MCM10: variants seen among roughly 807,000 people sequenced by gnomAD.
The protein encoded by MCM10 is minichromosome maintenance 10 replication initiation factor, also known as protein MCM10 homolog.
Under a neutral mutation model 109.9 loss-of-function variants are expected in MCM10, and 91 were observed. The ratio of observed to expected loss-of-function variants is 0.83; its 90% CI spans 0.70 to 0.99. MCM10 has a LOEUF of 0.99. Ranked by LOEUF, MCM10 falls within the 50% of genes least tolerant of loss-of-function variation. MCM10 has a pLI of 0.00. For missense variants in MCM10, 1,077 were observed against 1,061.2 expected (o/e 1.01, Z -0.21); for synonymous variants, 380 against 387.2 (o/e 0.98, Z 0.22).
chr10:13,207,256 G>T (rs553633582), intron 18 of MCM10, among the ~76,000 whole-genome samples: 25 of 152,344 alleles, frequency 1.6e-4, no homozygotes, highest in African/African-American at 5.5e-4. Context: ...AGGCAACTGG[G>T]CACGGCTGTG....
chr10:13,196,952 TCTCA>T (rs1834429533), intron 14 of MCM10, among the ~76,000 whole-genome samples: 1 of 152,172 alleles, frequency 6.6e-6, no homozygotes, highest in Non-Finnish European at 1.5e-5. Context: ...TGAGACAGGG[TCTCA>T]CTCTGTCTCC....
rs762554890 is a variant in MCM10, at chr10:13,175,632, G to A, written c.715G>A (p.Glu239Lys). Residue 239 changes from glutamate to lysine, a missense_variant, in exon 6 of 20, where the codon GAA becomes AAA. Physicochemically the swap from Glu to Lys is moderately conservative, Grantham distance 56. Coordinates refer to ENST00000378714, the MANE Select transcript of MCM10 (RefSeq NM_018518.5). ...QIVGTPGSSG[E>K]TTQPICVEAF... is the part of the protein sequence containing the mutation. Reference sequence around the variant, plus strand: ...TGTGGGGACCCCAGGAAGTTCTGGGGAAACGACTCAACCCATCTGTGTGGA... The same window carrying A: ...TGTGGGGACCCCAGGAAGTTCTGGGAAAACGACTCAACCCATCTGTGTGGA... 20 of 1,611,136 alleles carry A rather than the reference G, an allele frequency of 1.2e-5. No individual in the cohort carries two copies. Among genetic ancestry groups the A allele is most frequent in the Non-Finnish European group, 1.6e-5 (19 of 1,178,078 alleles).
Position 13,191,376 on chromosome 10 carries a change from T to A in MCM10, c.1493T>A (p.Ile498Asn). ...GTTGTTAAGGGCACAAACTTGATCA[T>A]CCAGGAAACACGGCAAAAACTCGGT... ...NLVVKGTNLI[I>N]QETRQKLGIP... Residue 498 changes from isoleucine (I) to asparagine (N), a missense_variant, in exon 11 of 20, where the codon ATC becomes AAC. Physicochemically the swap from Ile to Asn is moderately radical, Grantham distance 149. Coordinates refer to ENST00000378714, the MANE Select transcript of MCM10 (RefSeq NM_018518.5). 6.2e-7 allele frequency: 1 copy of A among 1,614,058 alleles called. No homozygotes were observed. Among genetic ancestry groups the A allele is most frequent in the East Asian group, 2.2e-5 (1 of 44,884 alleles).
At chr10:13,174,707 T>C (rs1364419630) in intron 5 of MCM10, among the ~76,000 whole-genome samples, 1 of 152,218 alleles carries the variant, frequency 6.6e-6, no homozygotes, top group Non-Finnish European at 1.5e-5. Flanking sequence ...TAGCACCCTA[T>C]TGGACAGCAC....
Position 13,182,980 on chromosome 10 carries a change from A to T in MCM10, c.978A>T (p.Thr326=). Residue 326 remains threonine, a synonymous_variant, in exon 8 of 20, where the codon ACA becomes ACT. Transcript: ENST00000378714. This position sits in a 1 kb window ranked among gnomAD's most constrained non-coding sequence, Gnocchi z 4.2. The part of the protein sequence containing the change: ...IWKLNDLRDL[T]QCVSLFLFGE... ...AACTGAATGATCTTCGTGACCTGAC[A>T]CAATGTGTGTCCTTGTTCTTATTTG... 6.2e-7 allele frequency: 1 copy of T among 1,614,168 alleles called. No homozygotes were observed. The highest frequency in any genetic ancestry group is 8.5e-7 in the Non-Finnish European group (1 of 1,180,010).
In MCM10 at chr10:13,210,200, G is replaced by A. The variant is rs142231886; in HGVS notation, c.*890G>A. On this transcript the variant is annotated 3_prime_UTR_variant, in exon 20 of 20. Transcript: ENST00000378714. ...CTCCCAAATAGCTAGGACTACAGGC[G>A]TGCGTGACCAAGCCCAGCTAATTTT... 1,390 of 151,668 alleles carry A rather than the reference G, an allele frequency of 9.2e-3. 8 individuals are homozygous for A. Among genetic ancestry groups the A allele is most frequent in the Non-Finnish European group, 0.013 (885 of 68,022 alleles). The allele number at this position is 151,668 out of a possible 1,614,324, so 9.4% of individuals were successfully genotyped here.
chr10:13,168,203 T>C (rs1245885563), intron 2 of MCM10, among the ~76,000 whole-genome samples: 2 of 152,228 alleles, frequency 1.3e-5, no homozygotes, highest in Non-Finnish European at 2.9e-5. Context: ...CTTGCAGGCA[T>C]GTGACATTCT....
At chr10:13,204,650 T>C (rs1834546686) in intron 18 of MCM10, 1 of 297,356 alleles carries the variant, frequency 3.4e-6, no homozygotes, top group Non-Finnish European at 6.2e-6. Flanking sequence ...GGTAAACATG[T>C]GTGTGTTTGT....
chr10:13,172,831 T>C lies in MCM10; in HGVS notation c.592+66T>C, dbSNP rs766347543. 10 of 1,511,134 alleles carry C rather than the reference T, an allele frequency of 6.6e-6. No individual in the cohort carries two copies. The highest frequency in any genetic ancestry group is 1.2e-5 in the South Asian group (1 of 85,802). The allele number at this position is 1,511,134 out of a possible 1,614,324, so 93.6% of individuals were successfully genotyped here. ...GTGTTTATGTGTGTGGGGGTGTTCA[T>C]GTGTGTGTGGGTGTCTGTGTCTTTT... is the stretch of plus-strand genomic sequence containing the variant. On this transcript the variant is annotated intron_variant, in intron 5 of 19. Transcript: ENST00000378714. This position sits in a 1 kb window ranked among gnomAD's most constrained non-coding sequence, Gnocchi z 5.2.
rs562254048 is a variant in MCM10 at position 13,162,704 on chromosome 10, A to G, written c.-76+1098A>G. 5.0e-4 allele frequency among the ~76,000 whole-genome samples: 76 copies of G among 152,254 alleles called. 2 individuals are homozygous for G. The South Asian group carries it at 0.016, about 31-fold the overall frequency. On this transcript the variant is annotated intron_variant, in intron 1 of 19. Coordinates refer to ENST00000378714, the MANE Select transcript of MCM10 (RefSeq NM_018518.5). Reference sequence around the variant, plus strand: ...AGACAGTTTGCTCCTAACGCTCAGGAAGCTTACTGTCCAATAGGTTCCCCA... The same window carrying G: ...AGACAGTTTGCTCCTAACGCTCAGGGAGCTTACTGTCCAATAGGTTCCCCA...
chr10:13,189,178 A>T, intron 10 of MCM10, 98 bp downstream of exon 10: 1 of 1,309,630 alleles, frequency 7.6e-7, no homozygotes, highest in East Asian at 2.3e-5. Context: ...GGATACTTGT[A>T]CAGGTTTTAT....
intron 1 of MCM10, among the ~76,000 whole-genome samples, chr10:13,162,689 C>T (rs531645705): frequency 4.6e-5 from 7 of 152,190 alleles, no homozygotes; most frequent in Admixed American, 1.3e-4. Context: ...AGACAGTTTG[C>T]TCCTAACGCT....
At chr10:13,175,433 C>A in intron 5 of MCM10, 77 bp from the exon 6 acceptor site, 2 of 1,273,270 alleles carry the variant, frequency 1.6e-6, no homozygotes, top group Admixed American at 1.7e-5. Context: ...AGGAACAAAT[C>A]CGTAAAAACA....
At position 13,195,447 on chromosome 10, in the gene MCM10, T is replaced by C. The variant is rs369170823; in HGVS notation, c.1974+178T>C. 5 of 554,584 alleles carry C rather than the reference T, an allele frequency of 9.0e-6. No individual in the cohort carries two copies. The East Asian group carries it at 1.5e-4, about 17-fold the overall frequency. The allele number at this position is 554,584 out of a possible 1,614,324, so 34.4% of individuals were successfully genotyped here. A position where few individuals can be genotyped will look rare whatever the true frequency, so the allele number is the denominator to read the frequency against. ...AGTTAGATCTGTTATCTCAACACTT[T>C]TTCTTGTCAGGCTACAAGAGGTAGC... On this transcript the variant is annotated intron_variant, in intron 14 of 19. Transcript: ENST00000378714.
intron 15 of MCM10, among the ~76,000 whole-genome samples, chr10:13,198,040 G>A (rs926010682): frequency 2.6e-5 from 4 of 151,822 alleles, no homozygotes; most frequent in East Asian, 3.9e-4. Context: ...AGCCTCACGA[G>A]TAAGTGGGAC....
At chr10:13,189,657 A>C (rs2131577484) in intron 10 of MCM10, among the ~76,000 whole-genome samples, 1 of 152,330 alleles carries the variant, frequency 6.6e-6, no homozygotes, top group East Asian at 1.9e-4. Flanking sequence ...GTGCACCTTC[A>C]TCAGGGCCAT....
At chr10:13,190,443 G>T (rs1834332091) in intron 10 of MCM10, among the ~76,000 whole-genome samples, 1 of 152,150 alleles carries the variant, frequency 6.6e-6, no homozygotes, top group South Asian at 2.1e-4. Context: ...CAGCACTTCG[G>T]GAGGCCAAGG....
At chr10:13,178,347 C>T (rs1834167820) in intron 6 of MCM10, among the ~76,000 whole-genome samples, 1 of 152,206 alleles carries the variant, frequency 6.6e-6, no homozygotes. Context: ...CCTCGGCCTC[C>T]CAAAGTGCTG....
At chr10:13,179,588 C>T (rs1435728231) in intron 6 of MCM10, among the ~76,000 whole-genome samples, 1 of 152,164 alleles carries the variant, frequency 6.6e-6, no homozygotes, top group Non-Finnish European at 1.5e-5. Flanking sequence ...TGTCTTTTCT[C>T]GTCTGCAAAT....
Sources: gnomAD v4.1 joint callset for allele counts (sites outside exome capture counted in the v4.1 genomes callset) on GRCh38, gnomAD v4.1.1 for gene constraint, Gnocchi (gnomAD v3.1) non-coding constraint, MANE v1.5 for transcripts, NCBI Gene and HGNC (gene_info 2026-07-23, HGNC 2026-07-21) for gene names.